The following AGPAT3 variants were observed in gnomAD, a reference collection of about 807,000 sequenced individuals.
The protein encoded by AGPAT3 is 1-acyl-sn-glycerol-3-phosphate acyltransferase gamma.
AGPAT3 carries 5 observed loss-of-function variants against 47.3 expected under a neutral mutation model. The ratio of observed to expected loss-of-function variants is 0.11; its 90% CI spans 0.06 to 0.22. AGPAT3 has a LOEUF of 0.22. Ranked by LOEUF, AGPAT3 falls within the 10% of genes least tolerant of loss-of-function variation. AGPAT3 has a pLI of 1.00. For missense variants in AGPAT3, 315 were observed against 493.0 expected, an observed-to-expected ratio of 0.64 and a Z score of 3.42; for synonymous variants, 212 against 208.3, an observed-to-expected ratio of 1.02 and a Z score of -0.15.
At chr21:43,976,366 A>AT (rs1192298752) in intron 7 of AGPAT3, among the ~76,000 whole-genome samples, 1 of 151,448 alleles carries the variant, frequency 6.6e-6, no homozygotes, top group Non-Finnish European at 1.5e-5. Flanking sequence ...CATCTGGCTA[A>AT]TTTTTGTAGT....
intron 2 of AGPAT3, among the ~76,000 whole-genome samples, chr21:43,921,818 C>T (rs942691930): frequency 6.6e-6 from 1 of 151,824 alleles, no homozygotes; most frequent in Non-Finnish European, 1.5e-5. Flanking sequence ...AGGGATAAAG[C>T]GTTAATTACT....
Position 43,970,761 on chromosome 21 carries a change from C to A in AGPAT3, c.619C>A (p.Arg207=). 1 of 1,608,004 alleles carries A rather than the reference C, an allele frequency of 6.2e-7. No individual in the cohort carries two copies. Among genetic ancestry groups the A allele is most frequent in the Non-Finnish European group, 8.5e-7 (1 of 1,175,836 alleles). Residue 207 remains arginine (R), a synonymous_variant, in exon 6 of 10, where the codon CGG becomes AGG. Coordinates refer to ENST00000291572, the MANE Select transcript of AGPAT3 (RefSeq NM_020132.5). This position sits in a 1 kb window ranked among gnomAD's most constrained non-coding sequence, Gnocchi z 5.8. ...TGTCCTCAAGTACCACCTGCTGCCG[C>A]GGACCAAGGGCTTCACCACCGCAGT... The part of the protein sequence containing the change: ...LPVLKYHLLP[R]TKGFTTAVKC...
chr21:43,865,224 C>G lies in AGPAT3; in HGVS notation c.-233C>G, dbSNP rs1433637493. The G allele has an allele frequency of 6.8e-6, 1 of 147,210 alleles. No individual in the cohort carries two copies. The highest frequency in any genetic ancestry group is 2.4e-5 in the African/African-American group (1 of 40,828). 9.1% of individuals were successfully genotyped at this position (147,210 alleles called of 1,614,324 possible). A position where few individuals can be genotyped will look rare whatever the true frequency, so the allele number is the denominator to read the frequency against. The stretch of plus-strand genomic sequence containing the variant: ...GGGGCCGGGGGCGGCGGGCGCCGCA[C>G]TCGCTGAGGCCCCGACGCAGGGCCG... On this transcript the variant is annotated 5_prime_UTR_variant, in exon 1 of 10. Transcript: ENST00000291572.
intron 1 of AGPAT3, among the ~76,000 whole-genome samples, chr21:43,888,119 C>A (rs2086021408): frequency 6.6e-6 from 1 of 152,238 alleles, no homozygotes; most frequent in Admixed American, 6.5e-5. Flanking sequence ...CAGCTCCCTG[C>A]AGCCTCAACC....
chr21:43,957,431 AG>A (rs1175676684), intron 2 of AGPAT3, among the ~76,000 whole-genome samples: 1 of 152,146 alleles, frequency 6.6e-6, no homozygotes, highest in African/African-American at 2.4e-5. Flanking sequence ...GGACCAAGTC[AG>A]GGGTTGGCAG....
At chr21:43,975,722 G>A (rs894972417) in intron 7 of AGPAT3, among the ~76,000 whole-genome samples, 1 of 152,152 alleles carries the variant, frequency 6.6e-6, no homozygotes, top group Admixed American at 6.6e-5. Context: ...CTTAATTTTG[G>A]GTTTTTTTTG....
intron 2 of AGPAT3, among the ~76,000 whole-genome samples, chr21:43,931,856 G>A (rs1309337127): frequency 1.3e-5 from 2 of 151,626 alleles, no homozygotes; most frequent in African/African-American, 4.9e-5. Flanking sequence ...AAAAGCTCCA[G>A]CTATCTCAAT....
intron 1 of AGPAT3, among the ~76,000 whole-genome samples, chr21:43,900,130 G>A (rs1407151928): frequency 6.6e-6 from 1 of 152,194 alleles, no homozygotes; most frequent in Non-Finnish European, 1.5e-5. Context: ...TTCCAGAGAC[G>A]GCTGTCAAGC....
At chr21:43,871,975 T>C (rs1302846380) in intron 1 of AGPAT3, among the ~76,000 whole-genome samples, 1 of 152,212 alleles carries the variant, frequency 6.6e-6, no homozygotes, top group Admixed American at 6.5e-5. Flanking sequence ...AATTCTTGGG[T>C]CACAAATGTA....
intron 2 of AGPAT3, among the ~76,000 whole-genome samples, chr21:43,904,676 T>C (rs778641760): frequency 1.3e-5 from 2 of 152,142 alleles, no homozygotes; most frequent in Non-Finnish European, 2.9e-5. Context: ...CCTGTGCTCC[T>C]GCAGCCCGTC....
chr21:43,888,895 G>A (rs986438077), intron 1 of AGPAT3, among the ~76,000 whole-genome samples: 2 of 152,114 alleles, frequency 1.3e-5, no homozygotes, highest in African/African-American at 2.4e-5. Context: ...AGGCTGAGGT[G>A]GGAGGATGGC....
At chr21:43,896,943 GTTTTTTTTTTTTTT>G (rs61657564) in intron 1 of AGPAT3, among the ~76,000 whole-genome samples, 1 of 42,322 alleles carries the variant, frequency 2.4e-5, no homozygotes, top group Non-Finnish European at 4.4e-5. Flanking sequence ...TTGACAGTCC[GTTTTTTTTTTTTTT>G]TTTTTTTTTT....
At chr21:43,879,042 T>G (rs2085795944) in intron 1 of AGPAT3, among the ~76,000 whole-genome samples, 1 of 152,168 alleles carries the variant, frequency 6.6e-6, no homozygotes, top group Non-Finnish European at 1.5e-5. Flanking sequence ...GCTTGGCTTG[T>G]CTTCTAGTTT....
At chr21:43,977,648 C>T (rs1020302730) in intron 7 of AGPAT3, among the ~76,000 whole-genome samples, 2 of 152,012 alleles carry the variant, frequency 1.3e-5, no homozygotes, top group East Asian at 1.9e-4. Context: ...GAGGCTGAGG[C>T]GGGTGGATCA....
chr21:43,967,874 T>C, intron 3 of AGPAT3, 72 bp from the exon 4 acceptor site: 1 of 1,496,852 alleles, frequency 6.7e-7, no homozygotes, highest in South Asian at 1.2e-5. Context: ...TGTAGGTGTC[T>C]CCTGTGGGCG....
chr21:43,978,447 C>T (rs141781916), intron 8 of AGPAT3, among the ~76,000 whole-genome samples: 2 of 152,332 alleles, frequency 1.3e-5, no homozygotes, highest in African/African-American at 2.4e-5. Context: ...GAGCTACAGG[C>T]GCAAGCCACC....
In AGPAT3 at chr21:43,984,581, G is replaced by A. The variant is rs995488856; in HGVS notation, c.*2189G>A. Reference sequence around the variant, plus strand: ...GTGGAGACGGAGGCCCAGGCGCAGGGGTCACACCTCATCTGGTTTCCTTCC... The same window carrying A: ...GTGGAGACGGAGGCCCAGGCGCAGGAGTCACACCTCATCTGGTTTCCTTCC... On this transcript the variant is annotated 3_prime_UTR_variant, in exon 10 of 10. Transcript: ENST00000291572. 4 of 157,246 alleles carry A rather than the reference G, an allele frequency of 2.5e-5. No individual in the cohort carries two copies. The highest frequency in any genetic ancestry group is 9.7e-5 in the African/African-American group (4 of 41,334). The allele number at this position is 157,246 out of a possible 1,614,324, so 9.7% of individuals were successfully genotyped here.
rs2089877742 is a variant in AGPAT3, at chr21:43,982,169, T to G, written c.1043-135T>G. On this transcript the variant is annotated intron_variant, in intron 9 of 9. Coordinates refer to ENST00000291572, the MANE Select transcript of AGPAT3 (RefSeq NM_020132.5). This position sits in a 1 kb window ranked among gnomAD's most constrained non-coding sequence, Gnocchi z 6.2. Reference sequence around the variant, plus strand: ...CTCCCCGCGGGCCACACCTACTCACTGACAGCAGAGGCCACTGGGTGCGGG... The same window carrying G: ...CTCCCCGCGGGCCACACCTACTCACGGACAGCAGAGGCCACTGGGTGCGGG... 3.0e-6 allele frequency: 2 copies of G among 673,226 alleles called. No homozygotes were observed. Among genetic ancestry groups the G allele is most frequent in the East Asian group, 5.3e-5 (2 of 37,928 alleles). The allele number at this position is 673,226 out of a possible 1,614,324, so 41.7% of individuals were successfully genotyped here.
Position 43,930,149 on chromosome 21 carries a change from C to T in AGPAT3, c.-49+26130C>T, listed in dbSNP as rs1036633901. 2.6e-5 allele frequency among the ~76,000 whole-genome samples: 4 copies of T among 152,312 alleles called. No individual in the cohort carries two copies. Among genetic ancestry groups the T allele is most frequent in the Admixed American group, 6.5e-5 (1 of 15,304 alleles). On this transcript the variant is annotated intron_variant, in intron 2 of 9. Transcript: ENST00000291572. The surrounding 1 kb of genome is among the most constrained non-coding windows in gnomAD (Gnocchi z 5.0). ...GAAAGTGGGGAATAGAGTTATCAAC[C>T]GTCACTCCACGGAGAGTCTAAGGCA... is the stretch of plus-strand genomic sequence containing the variant.
Sources: allele counts gnomAD v4.1 joint callset (sites outside exome capture counted in the v4.1 genomes callset), GRCh38; gene constraint gnomAD v4.1.1; non-coding constraint Gnocchi (gnomAD v3.1); transcripts MANE v1.5; gene names NCBI Gene and HGNC (gene_info 2026-07-23, HGNC 2026-07-21).